AFG2A: variants seen among roughly 807,000 people sequenced by gnomAD.
The protein encoded by AFG2A is AAA ATPase AFG2A, also known as ATPase family gene 2 protein homolog A.
chr4:122,924,576 C>T, the AFG2A span, among the ~76,000 whole-genome samples: 1 of 152,166 alleles, frequency 6.6e-6, no homozygotes, highest in Admixed American at 6.5e-5. Context: ...GTCCTCTTCC[C>T]TTGACCATTA....
chr4:122,992,948 T>C, the AFG2A span, among the ~76,000 whole-genome samples: 1 of 68,102 alleles, frequency 1.5e-5, no homozygotes, highest in African/African-American at 4.1e-5. Flanking sequence ...TTATAGTTCC[T>C]GTAAGATTTG....
At chr4:122,993,605 A>G in the AFG2A span, among the ~76,000 whole-genome samples, 1 of 152,114 alleles carries the variant, frequency 6.6e-6, no homozygotes, top group South Asian at 2.1e-4. Flanking sequence ...TGTGACAAAT[A>G]TCAAGCTTTT....
At chr4:123,242,912 C>T in the AFG2A span, among the ~76,000 whole-genome samples, 1 of 150,584 alleles carries the variant, frequency 6.6e-6, no homozygotes, top group East Asian at 1.9e-4. Flanking sequence ...AGAAAAAAAA[C>T]AACCCCATCA....
the AFG2A span, chr4:122,947,314 C>T: frequency 3.7e-6 from 6 of 1,613,476 alleles, no homozygotes; most frequent in African/African-American, 5.3e-5. Flanking sequence ...AAGACCTGGG[C>T]GATTTGATAA....
chr4:122,995,512 T>C, the AFG2A span, among the ~76,000 whole-genome samples: 3 of 152,288 alleles, frequency 2.0e-5, no homozygotes, highest in East Asian at 5.8e-4. Context: ...TCTCCTTAAA[T>C]ATTTCAGAAG....
At chr4:123,025,261 T>G in the AFG2A span, among the ~76,000 whole-genome samples, 1 of 152,202 alleles carries the variant, frequency 6.6e-6, no homozygotes, top group Non-Finnish European at 1.5e-5. Flanking sequence ...GGAAAAATAT[T>G]AAGCCACAAT....
the AFG2A span, among the ~76,000 whole-genome samples, chr4:123,183,613 A>G: frequency 1.3e-5 from 2 of 152,234 alleles, no homozygotes; most frequent in Non-Finnish European, 2.9e-5. Context: ...TGTTGCACAT[A>G]GGCCAAGATG....
the AFG2A span, among the ~76,000 whole-genome samples, chr4:123,126,501 C>T: frequency 6.6e-6 from 1 of 152,114 alleles, no homozygotes; most frequent in Non-Finnish European, 1.5e-5. Flanking sequence ...GCTGTGTCCC[C>T]ACCAAAATCT....
At chr4:122,932,004 C>T in the AFG2A span, among the ~76,000 whole-genome samples, 1 of 152,128 alleles carries the variant, frequency 6.6e-6, no homozygotes, top group African/African-American at 2.4e-5. Flanking sequence ...CAGTGGCTCA[C>T]GCCTGTAATC....
the AFG2A span, among the ~76,000 whole-genome samples, chr4:123,246,753 C>A: frequency 6.6e-6 from 1 of 152,186 alleles, no homozygotes; most frequent in Non-Finnish European, 1.5e-5. Flanking sequence ...CTGGGAAAGT[C>A]TGCCCTACAT....
the AFG2A span, among the ~76,000 whole-genome samples, chr4:123,295,598 G>A: frequency 2.1e-4 from 32 of 152,366 alleles, no homozygotes; most frequent in South Asian, 4.3e-3. Context: ...CGTGGCTCAC[G>A]CCTGTAATCC....
chr4:123,164,021 C>G, the AFG2A span, among the ~76,000 whole-genome samples: 1 of 152,174 alleles, frequency 6.6e-6, no homozygotes, highest in Non-Finnish European at 1.5e-5. Flanking sequence ...GTGTTCTGAT[C>G]AGGCTTGTTT....
the AFG2A span, among the ~76,000 whole-genome samples, chr4:123,173,914 CA>C: frequency 6.6e-6 from 1 of 151,760 alleles, no homozygotes; most frequent in Non-Finnish European, 1.5e-5. Context: ...AAGCTTTAAT[CA>C]AACTTTATAC....
the AFG2A span, among the ~76,000 whole-genome samples, chr4:123,119,713 A>G: frequency 2.6e-5 from 4 of 152,184 alleles, no homozygotes; most frequent in Non-Finnish European, 5.9e-5. Flanking sequence ...GGCAATAATT[A>G]TGGGATATTT....
At chr4:123,182,305 G>A in the AFG2A span, among the ~76,000 whole-genome samples, 1 of 152,120 alleles carries the variant, frequency 6.6e-6, no homozygotes, top group Non-Finnish European at 1.5e-5. Flanking sequence ...ATTCTTCATA[G>A]TATAGCATCT....
chr4:123,221,613 A>G, the AFG2A span, among the ~76,000 whole-genome samples: 1 of 152,144 alleles, frequency 6.6e-6, no homozygotes, highest in East Asian at 1.9e-4. Flanking sequence ...AAAAACCTTT[A>G]AAATATAGTT....
At chr4:123,243,828 G>A in the AFG2A span, among the ~76,000 whole-genome samples, 34 of 152,162 alleles carry the variant, frequency 2.2e-4, no homozygotes, top group Non-Finnish European at 2.9e-5. Flanking sequence ...ACCAGCCTGG[G>A]CACCGTAGGG....
the AFG2A span, among the ~76,000 whole-genome samples, chr4:123,300,089 T>C: frequency 1.3e-5 from 2 of 152,208 alleles, no homozygotes; most frequent in Non-Finnish European, 2.9e-5. Flanking sequence ...CTGGCTTTTC[T>C]CATTGCTGAA....
At chr4:122,931,951 C>T in the AFG2A span, among the ~76,000 whole-genome samples, 1 of 152,058 alleles carries the variant, frequency 6.6e-6, no homozygotes, top group African/African-American at 2.4e-5. Flanking sequence ...TGAGGATTGA[C>T]TATATTGTAT....
Sources: gnomAD v4.1 joint callset for allele counts (sites outside exome capture counted in the v4.1 genomes callset) on GRCh38, gnomAD v4.1.1 for gene constraint, MANE v1.5 for transcripts, NCBI Gene and HGNC (gene_info 2026-07-23, HGNC 2026-07-21) for gene names.